Variants in SCRG1 observed in about 807,000 individuals in gnomAD.
The protein encoded by SCRG1 is stimulator of chondrogenesis 1, also known as scrapie-responsive protein 1.
SCRG1 carries 3 observed loss-of-function variants against 7.7 expected under a neutral mutation model. The ratio of observed to expected loss-of-function variants is 0.39; its 90% CI spans 0.18 to 1.01. SCRG1 has a LOEUF of 1.01. SCRG1 is among the 50% of genes least tolerant of loss of function. The pLI, the probability that SCRG1 is intolerant of heterozygous loss-of-function variation, is 0.36. For missense variants in SCRG1, 110 were observed against 117.2 expected (o/e 0.94, Z 0.28); for synonymous variants, 46 against 41.2 (o/e 1.12, Z -0.44).
At chr4:173,477,242 C>A in the SCRG1 span, among the ~76,000 whole-genome samples, 18 of 152,102 alleles carry the variant, frequency 1.2e-4, no homozygotes, top group Non-Finnish European at 2.4e-4. Flanking sequence ...AATGAAAAGA[C>A]CCTGCCACAA....
At chr4:173,423,839 A>G in the SCRG1 span, among the ~76,000 whole-genome samples, 1 of 152,214 alleles carries the variant, frequency 6.6e-6, no homozygotes, top group Non-Finnish European at 1.5e-5. Context: ...GTCCAAAGGC[A>G]TAGTACTAGT....
the SCRG1 span, among the ~76,000 whole-genome samples, chr4:173,428,747 G>T: frequency 6.6e-6 from 1 of 152,214 alleles, no homozygotes; most frequent in African/African-American, 2.4e-5. Context: ...CTATTATGTG[G>T]TGGATGTAAC....
chr4:173,476,152 C>T, the SCRG1 span, among the ~76,000 whole-genome samples: 4 of 151,328 alleles, frequency 2.6e-5, no homozygotes, highest in Admixed American at 6.6e-5. Context: ...GAGGAGCTGA[C>T]GTTGAAAGCA....
chr4:173,438,298 T>A, the SCRG1 span, among the ~76,000 whole-genome samples: 3 of 151,706 alleles, frequency 2.0e-5, no homozygotes, highest in Non-Finnish European at 4.4e-5. Context: ...TTTTTTGTAT[T>A]TTTTTGTAGA....
the SCRG1 span, among the ~76,000 whole-genome samples, chr4:173,465,126 AC>A: frequency 6.6e-6 from 1 of 152,214 alleles, no homozygotes; most frequent in Non-Finnish European, 1.5e-5. Context: ...ATGGGTACAA[AC>A]TTTCTGTTTG....
the SCRG1 span, among the ~76,000 whole-genome samples, chr4:173,510,947 G>A: frequency 6.6e-6 from 1 of 152,182 alleles, no homozygotes; most frequent in South Asian, 2.1e-4. This position sits in a 1 kb window ranked among gnomAD's most constrained non-coding sequence, Gnocchi z 5.7. Flanking sequence ...AAAGTATGTG[G>A]TGTGAAAATA....
intron 2 of SCRG1, among the ~76,000 whole-genome samples, chr4:173,390,714 C>G (rs565007661): frequency 6.6e-6 from 1 of 152,284 alleles, no homozygotes; most frequent in East Asian, 1.9e-4. Flanking sequence ...ATCTCGAACT[C>G]CTGACCTCAG....
chr4:173,401,579 C>A (rs973959708), upstream of SCRG1, among the ~76,000 whole-genome samples: 1 of 152,170 alleles, frequency 6.6e-6, no homozygotes, highest in Non-Finnish European at 1.5e-5. Flanking sequence ...GAATTCATAG[C>A]TGCTCAAAAT....
the SCRG1 span, among the ~76,000 whole-genome samples, chr4:173,475,730 G>C: frequency 1.3e-5 from 2 of 152,154 alleles, no homozygotes; most frequent in Admixed American, 6.5e-5. Flanking sequence ...AGAAAACATG[G>C]TGTATACATA....
chr4:173,452,331 T>G, the SCRG1 span, among the ~76,000 whole-genome samples: 7 of 152,278 alleles, frequency 4.6e-5, no homozygotes, highest in Admixed American at 2.6e-4. Context: ...CTCTTTATTT[T>G]CATGTTGAGT....
chr4:173,446,972 G>A, the SCRG1 span, among the ~76,000 whole-genome samples: 4 of 152,200 alleles, frequency 2.6e-5, no homozygotes, highest in Non-Finnish European at 5.9e-5. Context: ...AATGTTGCCA[G>A]TGATAAAATC....
At chr4:173,473,510 T>C in the SCRG1 span, among the ~76,000 whole-genome samples, 16 of 152,316 alleles carry the variant, frequency 1.1e-4, no homozygotes, top group Non-Finnish European at 1.9e-4. Flanking sequence ...ATCTAGCTGT[T>C]GGAGGGTGGG....
At chr4:173,434,230 G>C in the SCRG1 span, among the ~76,000 whole-genome samples, 4 of 152,196 alleles carry the variant, frequency 2.6e-5, no homozygotes, top group African/African-American at 9.7e-5. Flanking sequence ...AAGGAACTCA[G>C]AGGAATTTCA....
intron 1 of SCRG1, among the ~76,000 whole-genome samples, chr4:173,405,396 C>T (rs1739874701): frequency 6.6e-6 from 1 of 152,192 alleles, no homozygotes; most frequent in South Asian, 2.1e-4. Context: ...TCACCTGGCT[C>T]AAGTCGTTTT....
the SCRG1 span, among the ~76,000 whole-genome samples, chr4:173,417,525 T>C: frequency 6.6e-6 from 1 of 152,236 alleles, no homozygotes; most frequent in Non-Finnish European, 1.5e-5. Flanking sequence ...AAGCCAGTTA[T>C]TGTGCTAAAT....
the SCRG1 span, among the ~76,000 whole-genome samples, chr4:173,433,691 A>T: frequency 6.6e-6 from 1 of 152,196 alleles, no homozygotes; most frequent in East Asian, 1.9e-4. Flanking sequence ...TCTGGGCAGC[A>T]CTAGTCATCT....
At chr4:173,452,113 C>A in the SCRG1 span, among the ~76,000 whole-genome samples, 1 of 151,914 alleles carries the variant, frequency 6.6e-6, no homozygotes, top group Non-Finnish European at 1.5e-5. Flanking sequence ...AATGGGGCCT[C>A]AAGACTCAGC....
chr4:173,443,947 G>T, the SCRG1 span, among the ~76,000 whole-genome samples: 5 of 36,356 alleles, frequency 1.4e-4, no homozygotes, highest in African/African-American at 2.0e-4. Context: ...CTTGTTTTGT[G>T]TGTGTGTGTG....
the SCRG1 span, among the ~76,000 whole-genome samples, chr4:173,513,020 T>A: frequency 6.6e-6 from 1 of 152,202 alleles, no homozygotes; most frequent in African/African-American, 2.4e-5. Flanking sequence ...CCTCCTTCCA[T>A]TATAACCCAT....
Sources: allele counts gnomAD v4.1 joint callset (sites outside exome capture counted in the v4.1 genomes callset), GRCh38; gene constraint gnomAD v4.1.1; non-coding constraint Gnocchi (gnomAD v3.1); transcripts MANE v1.5; gene names NCBI Gene and HGNC (gene_info 2026-07-23, HGNC 2026-07-21).